The following CPM variants were observed in gnomAD, a reference collection of about 807,000 sequenced individuals.
The protein encoded by CPM is carboxypeptidase M.
In CPM, 35 loss-of-function variants were observed where a neutral mutation model predicts 46.4. That is an observed-to-expected ratio of 0.75 (90% confidence interval 0.58 to 1.00). The LOEUF (loss-of-function observed/expected upper bound fraction) is 1.00, where lower values mean the gene tolerates loss of function less well. Among genes scored for constraint, CPM ranks in the 50% least tolerant of loss-of-function variants. CPM has a pLI of 0.00. For synonymous variants in CPM, 195 were observed against 195.3 expected (o/e 1.00, Z 0.01); for missense variants, 422 against 530.4 (o/e 0.80, Z 2.01).
intron 3 of CPM, among the ~76,000 whole-genome samples, chr12:68,878,896 T>C (rs1478779283): frequency 1.3e-5 from 2 of 152,194 alleles, no homozygotes; most frequent in Non-Finnish European, 2.9e-5. Context: ...AAAAGCAGAA[T>C]TGCAATTTAG....
At chr12:68,946,730 A>G (rs1417495483) in intron 1 of CPM, among the ~76,000 whole-genome samples, 1 of 152,234 alleles carries the variant, frequency 6.6e-6, no homozygotes, top group Non-Finnish European at 1.5e-5. Context: ...ACAAAAGAAA[A>G]CAGATGCTTA....
chr12:68,884,992 G>T (rs1366022003), intron 3 of CPM, among the ~76,000 whole-genome samples: 1 of 152,182 alleles, frequency 6.6e-6, no homozygotes, highest in African/African-American at 2.4e-5. Context: ...CGCCTAGGCT[G>T]GAGAGCAGTG....
chr12:68,942,729 C>G (rs1189540586), intron 1 of CPM, among the ~76,000 whole-genome samples: 1 of 152,230 alleles, frequency 6.6e-6, no homozygotes, highest in Non-Finnish European at 1.5e-5. Flanking sequence ...TGTGATCTTT[C>G]TTGGGGAGCT....
chr12:68,849,631 C>T (rs566290536), downstream of CPM: 1 of 151,682 alleles, frequency 6.6e-6, no homozygotes, highest in Non-Finnish European at 1.5e-5. Flanking sequence ...GAACTCCTGA[C>T]CTTGTGATCT....
chr12:68,866,241 G>A (rs1885437418), intron 7 of CPM, among the ~76,000 whole-genome samples: 1 of 152,178 alleles, frequency 6.6e-6, no homozygotes, highest in South Asian at 2.1e-4. Context: ...AATGGGAGAT[G>A]ATGTAACAGA....
At chr12:68,960,110 T>G (rs565865435) in intron 1 of CPM, among the ~76,000 whole-genome samples, 1 of 152,242 alleles carries the variant, frequency 6.6e-6, no homozygotes, top group Non-Finnish European at 1.5e-5. Context: ...GAATTTGTGT[T>G]GCTGATAGGT....
chr12:68,954,523 G>C (rs561262394), intron 1 of CPM, among the ~76,000 whole-genome samples: 2 of 152,146 alleles, frequency 1.3e-5, no homozygotes, highest in East Asian at 3.9e-4. Context: ...CCCCAAGTGA[G>C]GGCCTTCTTG....
At chr12:68,930,063 G>A (rs185557281) in intron 2 of CPM, among the ~76,000 whole-genome samples, 18 of 152,028 alleles carry the variant, frequency 1.2e-4, no homozygotes, top group African/African-American at 2.7e-4. Flanking sequence ...TAAATAACAC[G>A]TGTATAATAA....
chr12:68,891,501 T>C (rs1886652388), intron 2 of CPM, among the ~76,000 whole-genome samples: 1 of 152,214 alleles, frequency 6.6e-6, no homozygotes, highest in African/African-American at 2.4e-5. Context: ...GTATATTCAC[T>C]CATTTAACCC....
At chr12:68,962,577 T>C (rs1889140385) in intron 1 of CPM, among the ~76,000 whole-genome samples, 1 of 152,172 alleles carries the variant, frequency 6.6e-6, no homozygotes, top group Admixed American at 6.5e-5. Flanking sequence ...AATAAAATTC[T>C]AAGTACTCCA....
At chr12:68,939,835 G>A (rs936510068) in intron 1 of CPM, among the ~76,000 whole-genome samples, 1 of 152,012 alleles carries the variant, frequency 6.6e-6, no homozygotes, top group African/African-American at 2.4e-5. Context: ...TTTTAAAAAT[G>A]TTTGCCAATT....
chr12:68,880,887 C>T (rs912785856), intron 3 of CPM, among the ~76,000 whole-genome samples: 2 of 152,064 alleles, frequency 1.3e-5, no homozygotes, highest in Non-Finnish European at 2.9e-5. Context: ...GAGCCTGTGC[C>T]ATAGAAAGCA....
chr12:68,886,888 T>C (rs944452662), intron 2 of CPM, among the ~76,000 whole-genome samples: 2 of 152,210 alleles, frequency 1.3e-5, no homozygotes, highest in Non-Finnish European at 2.9e-5. Flanking sequence ...TGTGCAGATA[T>C]TATGTGTGCT....
At chr12:68,891,247 T>C (rs1030484748) in intron 2 of CPM, among the ~76,000 whole-genome samples, 1 of 152,240 alleles carries the variant, frequency 6.6e-6, no homozygotes, top group Non-Finnish European at 1.5e-5. Context: ...AAAGCCCACA[T>C]TGAATAATGA....
At chr12:68,900,552 A>C (rs1003529047) in intron 2 of CPM, among the ~76,000 whole-genome samples, 5 of 152,182 alleles carry the variant, frequency 3.3e-5, no homozygotes, top group African/African-American at 1.2e-4. Flanking sequence ...ATAAACTGAA[A>C]ACTTACGTCC....
intron 1 of CPM, among the ~76,000 whole-genome samples, chr12:68,961,410 T>A (rs561643664): frequency 7.9e-5 from 12 of 152,184 alleles, no homozygotes. Flanking sequence ...TCTCCCAGAG[T>A]GCTGGGATTA....
intron 5 of CPM, chr12:68,845,047 C>T (rs1232612984): frequency 5.3e-5 from 11 of 206,620 alleles, no homozygotes; most frequent in East Asian, 7.3e-5. Context: ...TGATTACAGG[C>T]GTGAGCCGCC....
chr12:68,897,482 T>C (rs1303163092), intron 2 of CPM, among the ~76,000 whole-genome samples: 1 of 152,072 alleles, frequency 6.6e-6, no homozygotes, highest in Non-Finnish European at 1.5e-5. Flanking sequence ...TACAAATGAA[T>C]ACTTAAAGAG....
rs544138988 is a variant in CPM at position 68,843,727 on chromosome 12, A to G, written c.534-1398T>C. The G allele has an allele frequency of 1.2e-4, 27 of 224,348 alleles. 1 individual carries two copies. In the South Asian group the frequency reaches 4.6e-3, roughly 38 times the overall value. 13.9% of individuals were successfully genotyped at this position (224,348 alleles called of 1,614,324 possible). A position where few individuals can be genotyped will look rare whatever the true frequency, so the allele number is the denominator to read the frequency against. On this transcript the variant is annotated intron_variant, in intron 5 of 5. Coordinates refer to the CPM transcript ENST00000551897. ...TCTCTCTCTCTCTCTGTCTGTCTCA[A>G]TAAATGGCCAAAGGGATTAGTAGTT...
Sources: allele counts gnomAD v4.1 joint callset (sites outside exome capture counted in the v4.1 genomes callset), GRCh38; gene constraint gnomAD v4.1.1; transcripts MANE v1.5; gene names NCBI Gene and HGNC (gene_info 2026-07-23, HGNC 2026-07-21).